Variants in CNTN4 observed in about 807,000 individuals in gnomAD.
CNTN4 encodes contactin-4.
A neutral mutation model predicts 122.5 loss-of-function variants in CNTN4; 77 were observed. That is an observed-to-expected ratio of 0.63 (90% confidence interval 0.52 to 0.76). The LOEUF (loss-of-function observed/expected upper bound fraction) is 0.76, where lower values mean the gene tolerates loss of function less well. CNTN4 is among the 30% of genes least tolerant of loss of function. The pLI, the probability that CNTN4 is intolerant of heterozygous loss-of-function variation, is 0.00. For missense variants in CNTN4, 1,256 were observed against 1,259.1 expected, an observed-to-expected ratio of 1.00 and a Z score of 0.04; for synonymous variants, 512 against 447.0, an observed-to-expected ratio of 1.15 and a Z score of -1.83.
At chr3:2,616,092 G>A (rs916973230) in intron 4 of CNTN4, among the ~76,000 whole-genome samples, 5 of 149,592 alleles carry the variant, frequency 3.3e-5, no homozygotes, top group African/African-American at 9.9e-5. Context: ...AGGTATATGT[G>A]TGCCATGGTG....
chr3:2,199,848 T>C (rs552635610), intron 2 of CNTN4, among the ~76,000 whole-genome samples: 1 of 152,212 alleles, frequency 6.6e-6, no homozygotes, highest in Non-Finnish European at 1.5e-5. Context: ...AAACCACCAA[T>C]GAAGGTTAAG....
intron 2 of CNTN4, among the ~76,000 whole-genome samples, chr3:2,279,062 A>T (rs779121997): frequency 2.0e-5 from 3 of 152,058 alleles, no homozygotes; most frequent in Non-Finnish European, 4.4e-5. Context: ...CCTTCCACAT[A>T]AGCTTAATAC....
In CNTN4 at chr3:2,318,717, C is replaced by T. The variant is rs558037685; in HGVS notation, c.-144-20461C>T. Reference sequence around the variant, plus strand: ...AGGCCAGAGTGCAGTGGAGCTCACTCCACCCTCCACCTCCTGGGCTCAAGG... The same window carrying T: ...AGGCCAGAGTGCAGTGGAGCTCACTTCACCCTCCACCTCCTGGGCTCAAGG... On this transcript the variant is annotated intron_variant, in intron 2 of 24. Transcript: ENST00000418658. Among the ~76,000 whole-genome samples, 292 of 152,254 alleles carry T rather than the reference C, an allele frequency of 1.9e-3. 2 individuals carry two copies. The highest frequency in any genetic ancestry group is 6.3e-3 in the African/African-American group (260 of 41,562).
chr3:2,369,511 G>T (rs978515638), intron 3 of CNTN4, among the ~76,000 whole-genome samples: 25 of 152,156 alleles, frequency 1.6e-4, no homozygotes, highest in African/African-American at 6.0e-4. Flanking sequence ...ATTAGCAAGA[G>T]GTTGCAGCAA....
chr3:2,630,124 G>C (rs1160596617), intron 4 of CNTN4, among the ~76,000 whole-genome samples: 2 of 152,048 alleles, frequency 1.3e-5, no homozygotes, highest in Non-Finnish European at 2.9e-5. Context: ...AGTTGTAAAG[G>C]AGCAAAAAAA....
intron 3 of CNTN4, among the ~76,000 whole-genome samples, chr3:2,434,210 A>G (rs1463552262): frequency 6.6e-6 from 1 of 152,232 alleles, no homozygotes; most frequent in African/African-American, 2.4e-5. Flanking sequence ...CATTAGCCTG[A>G]TTTAATCATT....
At chr3:2,530,309 C>CTTTTT (rs1206246281) in intron 3 of CNTN4, among the ~76,000 whole-genome samples, 8 of 134,696 alleles carry the variant, frequency 5.9e-5, no homozygotes, top group African/African-American at 2.0e-4. Flanking sequence ...TTCTCCTCTT[C>CTTTTT]TTTTTTTTTT....
intron 4 of CNTN4, among the ~76,000 whole-genome samples, chr3:2,715,488 A>G (rs1158386159): frequency 6.6e-6 from 1 of 152,176 alleles, no homozygotes; most frequent in South Asian, 2.1e-4. Context: ...TAAAAAAGGG[A>G]ATATCAGGGG....
chr3:2,565,548 A>G (rs369978856), intron 3 of CNTN4, among the ~76,000 whole-genome samples: 12 of 152,322 alleles, frequency 7.9e-5, no homozygotes, highest in African/African-American at 2.9e-4. Flanking sequence ...CATTTGACAT[A>G]TAAACTATAT....
intron 2 of CNTN4, among the ~76,000 whole-genome samples, chr3:2,310,774 A>C (rs1412693774): frequency 6.6e-6 from 1 of 151,888 alleles, no homozygotes; most frequent in Non-Finnish European, 1.5e-5. Flanking sequence ...CCTAAAACTC[A>C]CTCGTTCTGT....
chr3:2,505,910 C>G (rs1405407884), intron 3 of CNTN4, among the ~76,000 whole-genome samples: 1 of 152,156 alleles, frequency 6.6e-6, no homozygotes, highest in Non-Finnish European at 1.5e-5. Context: ...AAACATTAAA[C>G]CATTTTCTGA....
At chr3:2,340,036 C>T (rs982702738) in intron 3 of CNTN4, among the ~76,000 whole-genome samples, 9 of 151,806 alleles carry the variant, frequency 5.9e-5, no homozygotes, top group Admixed American at 6.6e-5. Context: ...TCCAAATATT[C>T]TTCTTCTTAG....
chr3:2,537,053 A>T (rs1159133527), intron 3 of CNTN4, among the ~76,000 whole-genome samples: 1 of 152,122 alleles, frequency 6.6e-6, no homozygotes, highest in Admixed American at 6.6e-5. Context: ...ACCCACTAGC[A>T]TCTGTAGTAT....
chr3:2,489,712 G>T (rs2076260537), intron 3 of CNTN4, among the ~76,000 whole-genome samples: 1 of 152,176 alleles, frequency 6.6e-6, no homozygotes, highest in Admixed American at 6.5e-5. Context: ...TTTCTATAGG[G>T]TGTGATGCTT....
At position 2,658,288 on chromosome 3, in the gene CNTN4, C is replaced by G. The variant is rs148547829; in HGVS notation, c.56-77927C>G. Among the ~76,000 whole-genome samples, 672 of 151,898 alleles carry G rather than the reference C, an allele frequency of 4.4e-3. 5 individuals are homozygous for G. The highest frequency in any genetic ancestry group is 0.016 in the African/African-American group (648 of 41,388). On this transcript the variant is annotated intron_variant, in intron 4 of 24. Coordinates refer to ENST00000418658, the MANE Select transcript of CNTN4 (RefSeq NM_175607.3). Reference sequence around the variant, plus strand: ...CTGGCCCAGCAAGAGTCCCTGTTTTCCTTTTTTCTTCCTTTCACCCAATAA... The same window carrying G: ...CTGGCCCAGCAAGAGTCCCTGTTTTGCTTTTTTCTTCCTTTCACCCAATAA...
At chr3:2,658,934 C>T (rs1051301901) in intron 4 of CNTN4, among the ~76,000 whole-genome samples, 16 of 148,704 alleles carry the variant, frequency 1.1e-4, no homozygotes, top group Non-Finnish European at 1.9e-4. Flanking sequence ...TTTATGTGGA[C>T]ATGCAAATAA....
intron 7 of CNTN4, among the ~76,000 whole-genome samples, chr3:2,863,065 T>G (rs1028992793): frequency 1.3e-5 from 2 of 152,172 alleles, no homozygotes; most frequent in South Asian, 2.1e-4. Context: ...AATGAAGAAA[T>G]AGGACAAGCG....
intron 13 of CNTN4, among the ~76,000 whole-genome samples, chr3:2,955,578 G>A (rs2094791061): frequency 6.6e-6 from 1 of 152,192 alleles, no homozygotes; most frequent in Non-Finnish European, 1.5e-5. Context: ...TACTGACTCT[G>A]ATTGAGTCGT....
chr3:3,033,912 A>G (rs7644104), intron 16 of CNTN4, among the ~76,000 whole-genome samples: 68,536 of 152,070 alleles, frequency 0.45, 15,567 homozygotes, highest in Middle Eastern at 0.57. Context: ...GAAGAGAAGT[A>G]GAAAAATACG....
Sources: gnomAD v4.1 joint callset for allele counts (sites outside exome capture counted in the v4.1 genomes callset) on GRCh38, gnomAD v4.1.1 for gene constraint, MANE v1.5 for transcripts, NCBI Gene and HGNC (gene_info 2026-07-23, HGNC 2026-07-21) for gene names.